Variants in SH3BGRL2 observed in about 807,000 individuals in gnomAD.
SH3BGRL2 encodes the protein SH3 domain binding glutamate rich protein like 2.
Under a neutral mutation model 14.8 loss-of-function variants are expected in SH3BGRL2, and 21 were observed. The ratio of observed to expected loss-of-function variants is 1.42; its 90% CI spans 1.01 to 2.05. The LOEUF is 2.05. Among genes scored for constraint, SH3BGRL2 ranks in the 30% most tolerant of loss-of-function variants. The pLI is 0.00. For synonymous variants in SH3BGRL2, 50 were observed against 47.8 expected (o/e 1.05, Z -0.19); for missense variants, 147 against 130.8 (o/e 1.12, Z -0.61).
At chr6:79,573,273 A>G in the SH3BGRL2 span, among the ~76,000 whole-genome samples, 4 of 152,180 alleles carry the variant, frequency 2.6e-5, no homozygotes, top group Non-Finnish European at 5.9e-5. Flanking sequence ...CTGATCTGCA[A>G]TGCCACTGAT....
the SH3BGRL2 span, among the ~76,000 whole-genome samples, chr6:79,600,402 CAGAA>C: frequency 6.6e-6 from 1 of 152,134 alleles, no homozygotes; most frequent in Non-Finnish European, 1.5e-5. Flanking sequence ...CCCAGATTCA[CAGAA>C]AGAAAGTGAA....
At chr6:79,669,990 A>G (rs1256556681) in intron 1 of SH3BGRL2, among the ~76,000 whole-genome samples, 1 of 152,230 alleles carries the variant, frequency 6.6e-6, no homozygotes, top group South Asian at 2.1e-4. Context: ...AAGGGCAGCT[A>G]GTCAATATTT....
intron 1 of SH3BGRL2, among the ~76,000 whole-genome samples, chr6:79,642,518 G>A (rs75235576): frequency 2.0e-5 from 3 of 152,168 alleles, no homozygotes; most frequent in East Asian, 1.9e-4. Context: ...CTGGAGAGCC[G>A]GGAGAGGGGT....
the SH3BGRL2 span, among the ~76,000 whole-genome samples, chr6:79,540,392 G>A: frequency 1.7e-3 from 251 of 152,084 alleles, 5 homozygotes; most frequent in East Asian, 0.045. Context: ...CCGAGATCGC[G>A]CCACTGCACT....
At chr6:79,698,662 C>A (rs896611265) in intron 3 of SH3BGRL2, among the ~76,000 whole-genome samples, 74 of 151,974 alleles carry the variant, frequency 4.9e-4, no homozygotes, top group African/African-American at 1.7e-3. Context: ...GGCCTGCAGG[C>A]CACATTGGCC....
the SH3BGRL2 span, among the ~76,000 whole-genome samples, chr6:79,596,999 G>A: frequency 6.6e-6 from 1 of 152,164 alleles, no homozygotes; most frequent in Admixed American, 6.6e-5. Flanking sequence ...GGAGGCCGAG[G>A]CGGGTGGATC....
intron 1 of SH3BGRL2, among the ~76,000 whole-genome samples, chr6:79,644,110 G>A (rs1769082840): frequency 6.6e-6 from 1 of 152,184 alleles, no homozygotes; most frequent in Non-Finnish European, 1.5e-5. Flanking sequence ...GGTTGCTGTG[G>A]AGGTGTGCGC....
chr6:79,701,033 C>T lies in SH3BGRL2; in HGVS notation c.*1524C>T, dbSNP rs1258311951. The T allele has an allele frequency of 6.6e-6, 1 of 152,182 alleles. No individual in the cohort carries two copies. Among genetic ancestry groups the T allele is most frequent in the Non-Finnish European group, 1.5e-5 (1 of 68,042 alleles). 9.4% of individuals were successfully genotyped at this position (152,182 alleles called of 1,614,324 possible). A position where few individuals can be genotyped will look rare whatever the true frequency, so the allele number is the denominator to read the frequency against. On this transcript the variant is annotated 3_prime_UTR_variant, in exon 4 of 4. Transcript: ENST00000369838. ...GCCTTGCTAAATGTAGACTAAAGAA[C>T]TTGTTGAATGCTAAGGCTGAAATCC... is the stretch of plus-strand genomic sequence containing the variant.
At chr6:79,627,762 CCTT>C (rs1392795565), upstream of SH3BGRL2, among the ~76,000 whole-genome samples, 5 of 152,020 alleles carry the variant, frequency 3.3e-5, no homozygotes, top group Non-Finnish European at 7.4e-5. Context: ...CTTCATGGCT[CCTT>C]CTTGTCTCTT....
the SH3BGRL2 span, among the ~76,000 whole-genome samples, chr6:79,551,752 A>T: frequency 1.3e-5 from 2 of 152,330 alleles, no homozygotes; most frequent in East Asian, 3.9e-4. Context: ...TTTGTGGTGG[A>T]GACTTAACAC....
the SH3BGRL2 span, among the ~76,000 whole-genome samples, chr6:79,597,753 G>A: frequency 1.3e-5 from 2 of 152,166 alleles, no homozygotes; most frequent in Admixed American, 6.5e-5. Context: ...GAAGAGAAGA[G>A]ATAAATTGGA....
the SH3BGRL2 span, among the ~76,000 whole-genome samples, chr6:79,540,840 A>G: frequency 2.4e-4 from 36 of 152,222 alleles, no homozygotes; most frequent in Non-Finnish European, 3.8e-4. Context: ...AAATTCATCT[A>G]AACTGGAAAA....
At chr6:79,607,731 G>T in the SH3BGRL2 span, among the ~76,000 whole-genome samples, 1 of 152,124 alleles carries the variant, frequency 6.6e-6, no homozygotes. Flanking sequence ...GATCACCTGA[G>T]GTCAGGAGTT....
chr6:79,625,332 G>A, the SH3BGRL2 span, among the ~76,000 whole-genome samples: 3 of 151,876 alleles, frequency 2.0e-5, no homozygotes, highest in African/African-American at 7.3e-5. Flanking sequence ...TGGTTAGTAT[G>A]GTTTCTGTTA....
chr6:79,690,597 A>G (rs371358043), intron 2 of SH3BGRL2, among the ~76,000 whole-genome samples: 2 of 152,234 alleles, frequency 1.3e-5, no homozygotes, highest in Admixed American at 6.5e-5. Context: ...ATACAGAAAG[A>G]AAGAAAGTCT....
At position 79,700,404 on chromosome 6, in the gene SH3BGRL2, A is replaced by G. The variant is rs1048643204; in HGVS notation, c.*895A>G. The G allele has an allele frequency of 5.3e-5, 8 of 152,130 alleles. No homozygotes were observed. Among genetic ancestry groups the G allele is most frequent in the Non-Finnish European group, 8.8e-5 (6 of 68,022 alleles). The allele number at this position is 152,130 out of a possible 1,614,324, so 9.4% of individuals were successfully genotyped here. ...CCCCTAACAGACAGCTGCTGCTTCT[A>G]TTTTGTGAAGGGACTATATTTTTTG... On this transcript the variant is annotated 3_prime_UTR_variant, in exon 4 of 4. Transcript: ENST00000369838.
intron 1 of SH3BGRL2, among the ~76,000 whole-genome samples, chr6:79,646,220 G>A (rs576050258): frequency 6.6e-6 from 1 of 152,336 alleles, no homozygotes; most frequent in Admixed American, 6.5e-5. Flanking sequence ...TACAGTATCA[G>A]AGAGGAAATG....
the SH3BGRL2 span, among the ~76,000 whole-genome samples, chr6:79,566,537 A>T: frequency 6.6e-6 from 1 of 152,252 alleles, no homozygotes; most frequent in Non-Finnish European, 1.5e-5. Context: ...GCTCATAATC[A>T]GAACTACAAA....
the SH3BGRL2 span, among the ~76,000 whole-genome samples, chr6:79,589,190 C>CTATATA: frequency 7.0e-6 from 1 of 142,574 alleles, no homozygotes; most frequent in Admixed American, 7.1e-5. Flanking sequence ...TGAAATTATC[C>CTATATA]TATATATATA....
Sources: allele counts gnomAD v4.1 joint callset (sites outside exome capture counted in the v4.1 genomes callset), GRCh38; gene constraint gnomAD v4.1.1; transcripts MANE v1.5; gene names NCBI Gene and HGNC (gene_info 2026-07-23, HGNC 2026-07-21).